MLC1: variants seen among roughly 807,000 people sequenced by gnomAD.
MLC1 encodes the protein modulator of VRAC current 1, also known as membrane protein MLC1.
In MLC1, 32 loss-of-function variants were observed where a neutral mutation model predicts 44.7. The ratio of observed to expected loss-of-function variants is 0.72; its 90% CI spans 0.54 to 0.96. The LOEUF (loss-of-function observed/expected upper bound fraction) is 0.96. Ranked by LOEUF, MLC1 falls within the 40% of genes least tolerant of loss-of-function variation. MLC1 has a pLI of 0.00. For missense variants in MLC1, 459 were observed against 492.2 expected (o/e 0.93, Z 0.64); for synonymous variants, 190 against 213.0 (o/e 0.89, Z 0.94).
Position 50,064,178 on chromosome 22 carries a change from CAGCAGCA to C in MLC1, c.908_914del (p.Val303GlyfsTer6), listed in dbSNP as rs2146773018. 1.2e-6 allele frequency: 2 copies of C among 1,602,546 alleles called. No homozygotes were observed. Among genetic ancestry groups the C allele is most frequent in the Non-Finnish European group, 1.7e-6 (2 of 1,179,002 alleles). On this transcript the variant is annotated frameshift_variant, in exon 11 of 12. Coordinates refer to ENST00000311597, the MANE Select transcript of MLC1 (RefSeq NM_015166.4). LOFTEE classifies it high-confidence loss of function. ...GCAGGAGCACTAGCAGCAGCAGCAG[CAGCAGCA>C]CATCGTAGGATGGCTGCAGGCGGAA... is the stretch of plus-strand genomic sequence containing the variant.
rs893933937 is a variant in MLC1 at position 50,059,527 on chromosome 22, A to C, written c.*2056T>G. 1 of 152,368 alleles carries C rather than the reference A, an allele frequency of 6.6e-6. No homozygotes were observed. Among genetic ancestry groups the C allele is most frequent in the African/African-American group, 2.4e-5 (1 of 41,454 alleles). The allele number at this position is 152,368 out of a possible 1,614,324, so 9.4% of individuals were successfully genotyped here. On this transcript the variant is annotated 3_prime_UTR_variant, in exon 12 of 12. Coordinates refer to ENST00000311597, the MANE Select transcript of MLC1 (RefSeq NM_015166.4). ...AGAAAATAAGAAAGTGCAAGCCAGC[A>C]AAAACGCTCCAAGTGCCTAATTCTG...
At chr22:50,069,265 A>T (rs2061792848) in intron 9 of MLC1, among the ~76,000 whole-genome samples, 1 of 150,594 alleles carries the variant, frequency 6.6e-6, no homozygotes, top group Non-Finnish European at 1.5e-5. Flanking sequence ...TGACCTTGTG[A>T]TCCACCCACC....
At chr22:50,072,580 G>A (rs1425410672) in intron 8 of MLC1, among the ~76,000 whole-genome samples, 2 of 152,232 alleles carry the variant, frequency 1.3e-5, no homozygotes, top group Non-Finnish European at 2.9e-5. Flanking sequence ...GGAGGGGTCT[G>A]CGGGATGGGA....
At chr22:50,063,741 GTGCC>G (rs1569241530) in intron 11 of MLC1, among the ~76,000 whole-genome samples, 11 of 81,116 alleles carry the variant, frequency 1.4e-4, no homozygotes, top group East Asian at 3.9e-4. Context: ...CACCTCCCCA[GTGCC>G]CCCACCCCAC....
At position 50,084,934 on chromosome 22, in the gene MLC1, G is replaced by T. The variant is rs1437791558; in HGVS notation, c.-32C>A. On this transcript the variant is annotated 5_prime_UTR_variant, in exon 2 of 12. Transcript: ENST00000311597. ...TGGGGACACCACAGCTGTGCTGAAT[G>T]TACAGCCACGTGTCACCAGTTCTTT... 6.2e-7 allele frequency: 1 copy of T among 1,607,002 alleles called. No homozygotes were observed. Among genetic ancestry groups the T allele is most frequent in the Non-Finnish European group, 8.5e-7 (1 of 1,179,830 alleles).
Position 50,083,056 on chromosome 22 carries a change from T to A in MLC1, c.267+28A>T. The A allele has an allele frequency of 1.2e-6, 2 of 1,608,638 alleles. No individual in the cohort carries two copies. The highest frequency in any genetic ancestry group is 1.7e-6 in the Non-Finnish European group (2 of 1,175,264). ...AGCACGTGCCGGCGAGCTTGGGCAC[T>A]GGCAGAGGCGTGGAGGAAGCTGCTT... On this transcript the variant is annotated intron_variant, in intron 3 of 11. Transcript: ENST00000311597. The surrounding 1 kb of genome is among the most constrained non-coding windows in gnomAD (Gnocchi z 4.6).
At chr22:50,062,201 C>T (rs2061578438) in intron 11 of MLC1, among the ~76,000 whole-genome samples, 1 of 132,510 alleles carries the variant, frequency 7.5e-6, no homozygotes, top group Non-Finnish European at 1.5e-5. Flanking sequence ...ACCCTGAGCC[C>T]CAGCCGTCCA....
chr22:50,083,277 C>G lies in MLC1; in HGVS notation c.178-104G>C. The G allele has an allele frequency of 3.9e-6, 4 of 1,032,394 alleles. No individual in the cohort carries two copies. Among genetic ancestry groups the G allele is most frequent in the Non-Finnish European group, 4.5e-6 (3 of 673,868 alleles). The allele number at this position is 1,032,394 out of a possible 1,614,324, so 64.0% of individuals were successfully genotyped here. On this transcript the variant is annotated intron_variant, in intron 2 of 11. Coordinates refer to ENST00000311597, the MANE Select transcript of MLC1 (RefSeq NM_015166.4). The surrounding 1 kb of genome is among the most constrained non-coding windows in gnomAD (Gnocchi z 4.6). ...ACTGTCTGTGTATTGGTGACTCACC[C>G]ACGTCCCCCAGCATCAACCACACCC...
At chr22:50,063,907 T>G in intron 11 of MLC1, 127 bp downstream of exon 11, 1 of 519,010 alleles carries the variant, frequency 1.9e-6, no homozygotes, top group Non-Finnish European at 2.6e-6. Flanking sequence ...CCTCCCCGGC[T>G]GGGCACCCCT....
intron 8 of MLC1, among the ~76,000 whole-genome samples, chr22:50,070,927 A>AG (rs2061836910): frequency 6.6e-6 from 1 of 152,136 alleles, no homozygotes; most frequent in African/African-American, 2.4e-5. Flanking sequence ...CAGCTCTCCC[A>AG]GATAGCCTGA....
chr22:50,080,509 T>C, intron 3 of MLC1, 112 bp from the exon 4 acceptor site: 1 of 1,197,840 alleles, frequency 8.3e-7, no homozygotes, highest in Non-Finnish European at 1.2e-6. Context: ...CACAAAACAG[T>C]GTTGCCAGTC....
chr22:50,084,768 G>T lies in MLC1; in HGVS notation c.135C>A (p.Pro45=), dbSNP rs76283012. 6.2e-7 allele frequency: 1 copy of T among 1,614,112 alleles called. No homozygotes were observed. Among genetic ancestry groups the T allele is most frequent in the Admixed American group, 1.7e-5 (1 of 60,030 alleles). ...SDLQLSKRLP[P]CFSHKTWVFS... is the part of the protein sequence containing the mutation. ...AGACCCACGTCTTGTGGCTGAAGCAGGGGGGCAGTCTCTTCGACAGCTGCA... is the reference window on the plus strand; with the variant it reads ...AGACCCACGTCTTGTGGCTGAAGCATGGGGGCAGTCTCTTCGACAGCTGCA... Residue 45 remains proline, a synonymous_variant, in exon 2 of 12, where the codon CCC becomes CCA. Transcript: ENST00000311597.
upstream of MLC1, chr22:50,085,448 T>C (rs2062258123): frequency 5.7e-6 from 1 of 174,878 alleles, no homozygotes; most frequent in African/African-American, 2.4e-5. Context: ...TCAGCAAACT[T>C]GAGCTGAAGG....
intron 9 of MLC1, 29 bp downstream of exon 9, chr22:50,070,498 T>C: frequency 6.4e-7 from 1 of 1,551,574 alleles, no homozygotes; most frequent in Non-Finnish European, 8.7e-7. Context: ...GGTGGGTCCC[T>C]GGCACCCAGG....
chr22:50,072,211 T>A (rs1429295807), intron 8 of MLC1, among the ~76,000 whole-genome samples: 1 of 152,158 alleles, frequency 6.6e-6, no homozygotes, highest in African/African-American at 2.4e-5. Context: ...GCATGGCCAC[T>A]CCGGCCCCTG....
chr22:50,066,273 C>A (rs778424282), intron 10 of MLC1, among the ~76,000 whole-genome samples: 1 of 151,980 alleles, frequency 6.6e-6, no homozygotes, highest in Non-Finnish European at 1.5e-5. Flanking sequence ...CCAAGGTGGG[C>A]GGATCGCTTC....
intron 11 of MLC1, among the ~76,000 whole-genome samples, chr22:50,062,918 C>T (rs537187112): frequency 1.4e-4 from 21 of 152,246 alleles, no homozygotes; most frequent in Non-Finnish European, 2.1e-4. Flanking sequence ...AGGCAGGGCC[C>T]GGGGGAACAT....
chr22:50,077,322 T>C lies in MLC1; in HGVS notation c.525+79A>G, dbSNP rs2062008327. ...GCAGCCCAGATCGGCCCTCCGAGGGTGACGCTGAGACCCACCTCGCTCACC... is the reference window on the plus strand; with the variant it reads ...GCAGCCCAGATCGGCCCTCCGAGGGCGACGCTGAGACCCACCTCGCTCACC... On this transcript the variant is annotated intron_variant, in intron 6 of 11. Transcript: ENST00000311597. 5 of 1,291,856 alleles carry C rather than the reference T, an allele frequency of 3.9e-6. 1 individual carries two copies. The South Asian group carries it at 6.2e-5, about 16-fold the overall frequency. 80.0% of individuals were successfully genotyped at this position (1,291,856 alleles called of 1,614,324 possible). A position where few individuals can be genotyped will look rare whatever the true frequency, so the allele number is the denominator to read the frequency against.
intron 11 of MLC1, among the ~76,000 whole-genome samples, chr22:50,063,509 C>A (rs1342911583): frequency 4.0e-5 from 6 of 151,214 alleles, no homozygotes; most frequent in African/African-American, 1.5e-4. Flanking sequence ...AGACATTTTA[C>A]TTCTTCGGGG....
Sources: gnomAD v4.1 joint callset for allele counts (sites outside exome capture counted in the v4.1 genomes callset) on GRCh38, gnomAD v4.1.1 for gene constraint, Gnocchi (gnomAD v3.1) non-coding constraint, MANE v1.5 for transcripts, NCBI Gene and HGNC (gene_info 2026-07-23, HGNC 2026-07-21) for gene names.